Variants in FMN1 observed in about 807,000 individuals in gnomAD.
The protein encoded by FMN1 is formin 1, also known as formin-1.
Under a neutral mutation model 132.4 loss-of-function variants are expected in FMN1, and 110 were observed. The observed-to-expected ratio is 0.83, with a 90% confidence interval of 0.71 to 0.97. The LOEUF is 0.97. Among genes scored for constraint, FMN1 ranks in the 50% least tolerant of loss-of-function variants. The pLI is 0.00. For synonymous variants in FMN1, 722 were observed against 651.7 expected (o/e 1.11, Z -1.64); for missense variants, 1,792 against 1,705.3 (o/e 1.05, Z -0.90).
chr15:32,980,066 AG>A (rs2032531116), intron 7 of FMN1, among the ~76,000 whole-genome samples: 1 of 151,938 alleles, frequency 6.6e-6, no homozygotes, highest in South Asian at 2.1e-4. Context: ...ACAAACAAAG[AG>A]GGTTTGCTTG....
intron 9 of FMN1, 70 bp from the exon 10 acceptor site, chr15:32,926,331 A>G (rs946108164): frequency 8.4e-6 from 7 of 833,872 alleles, no homozygotes; most frequent in Non-Finnish European, 1.3e-5. Context: ...ACGCACACCA[A>G]AAACATTAAA....
At chr15:32,880,468 T>C (rs756164734) in intron 16 of FMN1, among the ~76,000 whole-genome samples, 3 of 152,194 alleles carry the variant, frequency 2.0e-5, no homozygotes, top group Non-Finnish European at 4.4e-5. Flanking sequence ...CTGAAATGTT[T>C]TCTTTCAATG....
At chr15:32,967,534 G>C (rs1009108139) in intron 8 of FMN1, among the ~76,000 whole-genome samples, 1 of 152,154 alleles carries the variant, frequency 6.6e-6, no homozygotes, top group Non-Finnish European at 1.5e-5. Context: ...GGGAATACTA[G>C]TACTTTAGTT....
intron 6 of FMN1, among the ~76,000 whole-genome samples, chr15:33,019,674 C>T (rs1197730681): frequency 1.3e-5 from 2 of 152,228 alleles, no homozygotes; most frequent in African/African-American, 4.8e-5. Flanking sequence ...CACCAGTGGG[C>T]CAGCACTGCT....
At chr15:33,056,574 A>G (rs2141204903) in intron 6 of FMN1, among the ~76,000 whole-genome samples, 1 of 152,278 alleles carries the variant, frequency 6.6e-6, no homozygotes, top group East Asian at 1.9e-4. Flanking sequence ...GTCTGTTTAC[A>G]CCTCCATTTG....
chr15:33,092,576 T>G (rs2038942615), intron 4 of FMN1, among the ~76,000 whole-genome samples: 1 of 152,160 alleles, frequency 6.6e-6, no homozygotes, highest in Admixed American at 6.5e-5. Context: ...GAGCTTCGAA[T>G]GAGACGTGGA....
intron 17 of FMN1, among the ~76,000 whole-genome samples, chr15:32,831,216 T>C (rs2058492659): frequency 6.6e-6 from 1 of 151,726 alleles, no homozygotes; most frequent in Non-Finnish European, 1.5e-5. Flanking sequence ...TTAGCTAATA[T>C]TATTTTTACT....
At chr15:32,977,992 G>A (rs1020106771) in intron 7 of FMN1, among the ~76,000 whole-genome samples, 6 of 151,904 alleles carry the variant, frequency 3.9e-5, no homozygotes, top group Non-Finnish European at 8.8e-5. Flanking sequence ...AAGAAGCTGG[G>A]ACTACAGATG....
chr15:32,989,744 T>C (rs1172070698), intron 7 of FMN1, among the ~76,000 whole-genome samples: 1 of 152,094 alleles, frequency 6.6e-6, no homozygotes, highest in African/African-American at 2.4e-5. Flanking sequence ...TATGTTAGGA[T>C]GATGGGAACA....
chr15:33,144,637 GAAAAAAAA>G (rs10606867), intron 4 of FMN1, among the ~76,000 whole-genome samples: 1 of 101,118 alleles, frequency 9.9e-6, no homozygotes. Context: ...GACTCCGTCT[GAAAAAAAA>G]AAAAAAAAAA....
At chr15:32,903,055 T>C (rs1596232960) in intron 12 of FMN1, among the ~76,000 whole-genome samples, 1 of 152,244 alleles carries the variant, frequency 6.6e-6, no homozygotes, top group Non-Finnish European at 1.5e-5. Context: ...CCGAAAGATA[T>C]TTTCTTTGCT....
At chr15:33,060,466 T>C (rs760271344) in intron 6 of FMN1, among the ~76,000 whole-genome samples, 8 of 152,234 alleles carry the variant, frequency 5.3e-5, no homozygotes, top group Non-Finnish European at 1.2e-4. Flanking sequence ...TGGATCTTTA[T>C]TAAATTGAGG....
chr15:32,980,871 G>A (rs942516941), intron 7 of FMN1, among the ~76,000 whole-genome samples: 2 of 152,090 alleles, frequency 1.3e-5, no homozygotes, highest in Non-Finnish European at 1.5e-5. Flanking sequence ...AAAATTAGCC[G>A]GGCGTGGTGA....
At position 32,771,581 on chromosome 15, in the gene FMN1, G is replaced by A. The variant is rs1229515032; in HGVS notation, c.*2729C>T. On this transcript the variant is annotated 3_prime_UTR_variant, in exon 21 of 21. Transcript: ENST00000616417. ...TGTTTGTAAGTTAAGGGTTCTTAGA[G>A]TTACTACTAAGTCAGGTGTGTCTGG... 4 of 152,208 alleles carry A rather than the reference G, an allele frequency of 2.6e-5. No individual in the cohort carries two copies. Among genetic ancestry groups the A allele is most frequent in the Non-Finnish European group, 4.4e-5 (3 of 68,044 alleles). The allele number at this position is 152,208 out of a possible 1,614,324, so 9.4% of individuals were successfully genotyped here. A position where few individuals can be genotyped will look rare whatever the true frequency, so the allele number is the denominator to read the frequency against.
chr15:33,014,405 T>C (rs1217469762), intron 6 of FMN1, among the ~76,000 whole-genome samples: 2 of 152,166 alleles, frequency 1.3e-5, no homozygotes, highest in African/African-American at 2.4e-5. Context: ...TGGTATTCAG[T>C]AGCTCTGGGA....
intron 9 of FMN1, among the ~76,000 whole-genome samples, chr15:32,929,981 A>ATTT (rs377263342): frequency 0.013 from 1,201 of 91,978 alleles, 137 homozygotes; most frequent in African/African-American, 0.052. Context: ...CTATTTTTAA[A>ATTT]TTTTTTTTTT....
chr15:33,126,495 C>G (rs1333459449), intron 4 of FMN1, among the ~76,000 whole-genome samples: 2 of 152,206 alleles, frequency 1.3e-5, no homozygotes, highest in Non-Finnish European at 2.9e-5. Flanking sequence ...CAGACCAACT[C>G]TACATCTACT....
In FMN1 at chr15:33,172,457, G is replaced by A. The variant is rs538142219; in HGVS notation, c.-132+7741C>T. ...AAGGTACCACACATGCGGTGAGAGT[G>A]TTATGTGGCTCTTCATGAGTGATGG... is the stretch of plus-strand genomic sequence containing the variant. On this transcript the variant is annotated intron_variant, in intron 3 of 20. Coordinates refer to ENST00000616417, the MANE Select transcript of FMN1 (RefSeq NM_001277313.2). 8.9e-4 allele frequency among the ~76,000 whole-genome samples: 135 copies of A among 152,332 alleles called. 2 individuals are homozygous for A. The highest frequency in any genetic ancestry group is 5.8e-4 in the African/African-American group (24 of 41,572).
At chr15:32,998,663 C>A (rs554084107) in intron 7 of FMN1, among the ~76,000 whole-genome samples, 1 of 152,132 alleles carries the variant, frequency 6.6e-6, no homozygotes, top group African/African-American at 2.4e-5. Flanking sequence ...AGAAACTCAC[C>A]GGTTCCAGCA....
Sources: allele counts gnomAD v4.1 joint callset (sites outside exome capture counted in the v4.1 genomes callset), GRCh38; gene constraint gnomAD v4.1.1; transcripts MANE v1.5; gene names NCBI Gene and HGNC (gene_info 2026-07-23, HGNC 2026-07-21).